The following SLC5A4 variants were observed in gnomAD, a reference collection of about 807,000 sequenced individuals.
SLC5A4 encodes the protein probable glucose sensor protein SLC5A4.
SLC5A4 carries 55 observed loss-of-function variants against 70.3 expected under a neutral mutation model. The observed-to-expected ratio is 0.78, with a 90% confidence interval of 0.63 to 0.98. The LOEUF (loss-of-function observed/expected upper bound fraction) is 0.98. SLC5A4 is among the 50% of genes least tolerant of loss of function. SLC5A4 has a pLI of 0.00. For missense variants in SLC5A4, 735 were observed against 839.2 expected, an observed-to-expected ratio of 0.88 and a Z score of 1.53; for synonymous variants, 268 against 305.7, an observed-to-expected ratio of 0.88 and a Z score of 1.29.
chr22:32,248,711 T>A, intron 4 of SLC5A4, 32 bp downstream of exon 4: 5 of 1,473,060 alleles, frequency 3.4e-6, no homozygotes, highest in Non-Finnish European at 4.8e-6. Flanking sequence ...TGCCTAGAAC[T>A]GAACTCTGGC....
the SLC5A4 span, among the ~76,000 whole-genome samples, chr22:32,343,314 A>G: frequency 6.6e-6 from 1 of 152,210 alleles, no homozygotes; most frequent in East Asian, 1.9e-4. Flanking sequence ...AGACACTGCT[A>G]ACCTGACAGA....
chr22:32,218,846 G>T, intron 14 of SLC5A4, 121 bp from the exon 15 acceptor site: 1 of 658,328 alleles, frequency 1.5e-6, no homozygotes, highest in Non-Finnish European at 2.5e-6. Context: ...GTGTTAAGAG[G>T]AATCCCTGAG....
chr22:32,330,839 TG>T, the SLC5A4 span, among the ~76,000 whole-genome samples: 12 of 105,948 alleles, frequency 1.1e-4, no homozygotes, highest in Non-Finnish European at 1.5e-4. Flanking sequence ...TGTGTGTGTG[TG>T]TTGGGGGCTC....
At chr22:32,299,831 T>G in the SLC5A4 span, among the ~76,000 whole-genome samples, 169 of 120,922 alleles carry the variant, frequency 1.4e-3, no homozygotes, top group Middle Eastern at 3.6e-3. Context: ...AGATGGGTTT[T>G]TGGTGTGGAT....
At chr22:32,329,816 G>GGT in the SLC5A4 span, among the ~76,000 whole-genome samples, 1 of 55,630 alleles carries the variant, frequency 1.8e-5, no homozygotes, top group Non-Finnish European at 3.1e-5. Context: ...TGGAGGCTCT[G>GGT]GTGTGTGTGT....
chr22:32,258,685 A>G (rs558104025), upstream of SLC5A4, among the ~76,000 whole-genome samples: 4 of 152,340 alleles, frequency 2.6e-5, no homozygotes, highest in East Asian at 7.7e-4. Flanking sequence ...AGCTTCTTCA[A>G]AAAGTTAAAA....
At chr22:32,303,353 T>C in the SLC5A4 span, among the ~76,000 whole-genome samples, 2 of 152,246 alleles carry the variant, frequency 1.3e-5, no homozygotes, top group African/African-American at 2.4e-5. Flanking sequence ...GTTTGCATTC[T>C]TTTGAGTCTC....
the SLC5A4 span, among the ~76,000 whole-genome samples, chr22:32,339,554 G>T: frequency 6.6e-6 from 1 of 152,226 alleles, no homozygotes; most frequent in Non-Finnish European, 1.5e-5. Context: ...TGGGTGTTGT[G>T]TTTTTACCTT....
At chr22:32,306,516 GTCAGTGAAAAACTCA>G in the SLC5A4 span, among the ~76,000 whole-genome samples, 1 of 99,264 alleles carries the variant, frequency 1.0e-5, no homozygotes, top group Admixed American at 1.1e-4. Context: ...AGCAACAGCG[GTCAGTGAAAAACTCA>G]TTATTGTTAC....
the SLC5A4 span, among the ~76,000 whole-genome samples, chr22:32,305,781 C>T: frequency 6.6e-6 from 1 of 151,540 alleles, no homozygotes; most frequent in Admixed American, 6.6e-5. Context: ...AGGCACATGG[C>T]ATGTCACACC....
the SLC5A4 span, among the ~76,000 whole-genome samples, chr22:32,291,965 C>T: frequency 4.8e-5 from 7 of 144,746 alleles, no homozygotes; most frequent in Non-Finnish European, 6.0e-5. Flanking sequence ...CTTTGCCTCC[C>T]GGGTTCAAGT....
the SLC5A4 span, among the ~76,000 whole-genome samples, chr22:32,351,225 T>A: frequency 6.6e-6 from 1 of 152,176 alleles, no homozygotes; most frequent in Non-Finnish European, 1.5e-5. Flanking sequence ...CAGACTAATA[T>A]GGGAGAGAGA....
chr22:32,247,905 T>C (rs1436634280), intron 4 of SLC5A4, among the ~76,000 whole-genome samples: 2 of 152,212 alleles, frequency 1.3e-5, no homozygotes, highest in African/African-American at 4.8e-5. Flanking sequence ...CCTGGCTCCA[T>C]TAATGGTGGC....
chr22:32,315,162 G>T, the SLC5A4 span, among the ~76,000 whole-genome samples: 1 of 152,172 alleles, frequency 6.6e-6, no homozygotes, highest in African/African-American at 2.4e-5. Flanking sequence ...GAGAAATCAG[G>T]GGTCAAGTTG....
chr22:32,299,483 C>T, the SLC5A4 span, among the ~76,000 whole-genome samples: 4 of 105,074 alleles, frequency 3.8e-5, no homozygotes, highest in East Asian at 2.7e-4. Flanking sequence ...ATGTAGTTCT[C>T]GAGCCTTGGT....
rs1416827501 is a variant in SLC5A4, at chr22:32,234,926, CTGGCCATGGAA to C, written c.821_831del (p.Ile274ArgfsTer73). The C allele has an allele frequency of 6.2e-7, 1 of 1,613,050 alleles. No homozygotes were observed. Among genetic ancestry groups the C allele is most frequent in the South Asian group, 1.1e-5 (1 of 91,056 alleles). On this transcript the variant is annotated frameshift_variant, in exon 8 of 15. Transcript: ENST00000266086. LOFTEE classifies it high-confidence loss of function. ...GTAATGGGCATTCCAAATATAATTC[CTGGCCATGGAA>C]TGTCCCCAGTCACAGCATCTCGGAA...
At chr22:32,320,062 C>G in the SLC5A4 span, among the ~76,000 whole-genome samples, 1 of 152,146 alleles carries the variant, frequency 6.6e-6, no homozygotes. Context: ...CTAAACAGAC[C>G]AGTTGCCAAG....
At chr22:32,269,563 C>T in the SLC5A4 span, 1 of 627,426 alleles carries the variant, frequency 1.6e-6, no homozygotes, top group Non-Finnish European at 3.1e-6. The surrounding 1 kb of genome is among the most constrained non-coding windows in gnomAD (Gnocchi z 4.1). Context: ...GCAGAAGGTG[C>T]ACCCCGTCAT....
At chr22:32,245,551 C>T (rs1035713507) in intron 5 of SLC5A4, among the ~76,000 whole-genome samples, 6 of 152,162 alleles carry the variant, frequency 3.9e-5, no homozygotes, top group African/African-American at 9.7e-5. Flanking sequence ...GACGGAGTCT[C>T]GCTCTTGTCA....
Sources: allele counts gnomAD v4.1 joint callset (sites outside exome capture counted in the v4.1 genomes callset), GRCh38; gene constraint gnomAD v4.1.1; non-coding constraint Gnocchi (gnomAD v3.1); transcripts MANE v1.5; gene names NCBI Gene and HGNC (gene_info 2026-07-23, HGNC 2026-07-21).